ACSM1: variants seen among roughly 807,000 people sequenced by gnomAD.
ACSM1 encodes the protein acyl-coenzyme A synthetase ACSM1, mitochondrial.
Under a neutral mutation model 75.8 loss-of-function variants are expected in ACSM1, and 79 were observed. The observed-to-expected ratio is 1.04, with a 90% confidence interval of 0.87 to 1.26. ACSM1 has a LOEUF of 1.26. ACSM1 is among the 50% of genes most tolerant of loss of function. The probability of loss-of-function intolerance (pLI) is 0.00; values close to 1 mark genes in which losing one functional copy is unlikely to be tolerated. For synonymous variants in ACSM1, 279 were observed against 265.8 expected, an observed-to-expected ratio of 1.05 and a Z score of -0.48; for missense variants, 676 against 720.1, an observed-to-expected ratio of 0.94 and a Z score of 0.70.
chr16:20,664,147 G>GTATTGATTTATTTATT (rs2019441301), intron 6 of ACSM1, among the ~76,000 whole-genome samples: 1 of 145,520 alleles, frequency 6.9e-6, no homozygotes, highest in Non-Finnish European at 1.5e-5. Context: ...AAATTGAATA[G>GTATTGATTTATTTATT]TATTTATTTA....
chr16:20,653,283 C>T (rs1305622525), intron 7 of ACSM1, among the ~76,000 whole-genome samples: 1 of 152,044 alleles, frequency 6.6e-6, no homozygotes, highest in Non-Finnish European at 1.5e-5. Context: ...TATGACAAAC[C>T]CACAGCAAAT....
chr16:20,623,659 A>G, intron 13 of ACSM1, 87 bp from the exon 14 acceptor site: 2 of 1,323,650 alleles, frequency 1.5e-6, no homozygotes, highest in Non-Finnish European at 2.2e-6. Context: ...GCCCCTCCAC[A>G]GTCTCCCATG....
At chr16:20,667,423 T>A (rs1226817154) in intron 6 of ACSM1, among the ~76,000 whole-genome samples, 1 of 152,092 alleles carries the variant, frequency 6.6e-6, no homozygotes, top group Non-Finnish European at 1.5e-5. Context: ...CTCAATGTCA[T>A]TAATCAGAGA....
At chr16:20,683,672 C>G (rs552799172) in intron 3 of ACSM1, among the ~76,000 whole-genome samples, 2 of 145,078 alleles carry the variant, frequency 1.4e-5, no homozygotes, top group East Asian at 4.2e-4. Flanking sequence ...GAGAGTCTTG[C>G]CACCACGCCT....
chr16:20,637,473 T>C, intron 8 of ACSM1, 22 bp from the exon 9 acceptor site: 4 of 1,607,918 alleles, frequency 2.5e-6, no homozygotes, highest in Non-Finnish European at 3.4e-6. Flanking sequence ...AGAAAGAAGA[T>C]TTGGGTTGAT....
chr16:20,646,468 G>A (rs551496766), intron 7 of ACSM1, among the ~76,000 whole-genome samples: 68 of 152,122 alleles, frequency 4.5e-4, no homozygotes, highest in Non-Finnish European at 6.9e-4. Context: ...GGGCCAGGGG[G>A]TTAACTGTCT....
chr16:20,634,227 C>A (rs1295688410), intron 10 of ACSM1, among the ~76,000 whole-genome samples: 2 of 152,120 alleles, frequency 1.3e-5, no homozygotes, highest in Non-Finnish European at 2.9e-5. Flanking sequence ...CAAAATGGAT[C>A]AAAAATATTC....
chr16:20,639,364 T>C (rs1253758277), intron 8 of ACSM1, among the ~76,000 whole-genome samples: 3 of 152,178 alleles, frequency 2.0e-5, no homozygotes, highest in Non-Finnish European at 2.9e-5. Flanking sequence ...CAGTCAAACC[T>C]GCGAGTTGTC....
chr16:20,646,954 A>T (rs2018401190), intron 7 of ACSM1, among the ~76,000 whole-genome samples: 1 of 152,236 alleles, frequency 6.6e-6, no homozygotes, highest in Admixed American at 6.5e-5. Flanking sequence ...TCCAGGTGAC[A>T]ATCAGGTGCC....
chr16:20,643,436 G>A (rs997875427), intron 7 of ACSM1, among the ~76,000 whole-genome samples: 20 of 152,300 alleles, frequency 1.3e-4, no homozygotes, highest in East Asian at 7.7e-4. Context: ...GAATGAAGCC[G>A]TGGACCCTTG....
chr16:20,643,513 T>C (rs2018186485), intron 7 of ACSM1, among the ~76,000 whole-genome samples: 1 of 152,240 alleles, frequency 6.6e-6, no homozygotes. Flanking sequence ...GTTCATGGTC[T>C]CACTGACTTC....
At chr16:20,667,419 G>A (rs564401164) in intron 6 of ACSM1, among the ~76,000 whole-genome samples, 28 of 152,172 alleles carry the variant, frequency 1.8e-4, no homozygotes, top group Non-Finnish European at 5.9e-5. Context: ...AATGCTCAAT[G>A]TCATTAATCA....
chr16:20,663,523 G>A (rs1294219572), intron 6 of ACSM1, among the ~76,000 whole-genome samples: 1 of 152,014 alleles, frequency 6.6e-6, no homozygotes, highest in Non-Finnish European at 1.5e-5. Flanking sequence ...CCTTGTGTTG[G>A]GTCTGATCAC....
intron 4 of ACSM1, among the ~76,000 whole-genome samples, chr16:20,673,465 C>T (rs1337330453): frequency 6.6e-6 from 1 of 152,136 alleles, no homozygotes; most frequent in East Asian, 1.9e-4. Flanking sequence ...TAATGTTTGC[C>T]TTTTGGGGTT....
intron 4 of ACSM1, among the ~76,000 whole-genome samples, chr16:20,678,380 A>T (rs1596933991): frequency 6.6e-6 from 1 of 152,222 alleles, no homozygotes; most frequent in African/African-American, 2.4e-5. Context: ...GCCATTTGTA[A>T]ATGAACAATA....
At chr16:20,636,343 G>C (rs2017704262) in intron 10 of ACSM1, among the ~76,000 whole-genome samples, 1 of 152,040 alleles carries the variant, frequency 6.6e-6, no homozygotes, top group Non-Finnish European at 1.5e-5. Flanking sequence ...AGATGTGCAG[G>C]GCTTTTAATC....
chr16:20,695,454 T>C (rs2079684373), intron 1 of ACSM1, among the ~76,000 whole-genome samples: 1 of 152,188 alleles, frequency 6.6e-6, no homozygotes. Context: ...AAAATTTCCT[T>C]AACTTTTGGA....
At position 20,625,536 on chromosome 16, in the gene ACSM1, G is replaced by T. The variant is rs374404160; in HGVS notation, c.1428-14C>A. The T allele has an allele frequency of 2.5e-6, 4 of 1,611,826 alleles. No individual in the cohort carries two copies. The highest frequency in any genetic ancestry group is 1.1e-5 in the South Asian group (1 of 90,766). On this transcript the variant is annotated splice_polypyrimidine_tract_variant and intron_variant, in intron 11 of 13. Transcript: ENST00000520010. The stretch of plus-strand genomic sequence containing the variant: ...CCGATGCGATACCTGGAGGATGAAG[G>T]GTTCTGAGGCAGATGCCAGGGCTGG...
chr16:20,665,789 G>A (rs2019534461), intron 6 of ACSM1, among the ~76,000 whole-genome samples: 1 of 152,108 alleles, frequency 6.6e-6, no homozygotes, highest in South Asian at 2.1e-4. Flanking sequence ...AATTCACCAT[G>A]ATCAAGTAGG....
Sources: gnomAD v4.1 joint callset for allele counts (sites outside exome capture counted in the v4.1 genomes callset) on GRCh38, gnomAD v4.1.1 for gene constraint, MANE v1.5 for transcripts, NCBI Gene and HGNC (gene_info 2026-07-23, HGNC 2026-07-21) for gene names.